ZNF185: variants seen among roughly 807,000 people sequenced by gnomAD.
ZNF185 encodes zinc finger protein 185.
Under a neutral mutation model 58.6 loss-of-function variants are expected in ZNF185, and 56 were observed. That is an observed-to-expected ratio of 0.95 (90% CI 0.77 to 1.19). ZNF185 has a LOEUF of 1.19. ZNF185 is among the 50% of genes most tolerant of loss of function. The pLI, the probability that ZNF185 is intolerant of heterozygous loss-of-function variation, is 0.00. For synonymous variants in ZNF185, 230 were observed against 215.9 expected (o/e 1.07, Z -0.57); for missense variants, 627 against 573.5 (o/e 1.09, Z -0.95).
At chrX:152,918,316 C>A in intron 6 of ZNF185, 162 bp downstream of exon 7, 1 of 590,205 alleles carries the variant, frequency 1.7e-6, no homozygotes. Flanking sequence ...TGGAGCCCAC[C>A]AGAGGGTAAC....
chrX:152,943,142 C>A (rs1468382120), intron 15 of ZNF185, among the ~76,000 whole-genome samples: 1 of 111,050 alleles, frequency 9.0e-6, no homozygotes, highest in African/African-American at 3.3e-5. Context: ...GTAGCTGGGA[C>A]TACAGGCACA....
intron 14 of ZNF185, among the ~76,000 whole-genome samples, chrX:152,934,812 C>G (rs1434270994): frequency 9.0e-6 from 1 of 111,040 alleles, no homozygotes; most frequent in African/African-American, 3.3e-5. Flanking sequence ...CATCTCATCT[C>G]ATCCTCTCCT....
At chrX:152,904,142 C>G in the ZNF185 span, among the ~76,000 whole-genome samples, 1 of 112,173 alleles carries the variant, frequency 8.9e-6, no homozygotes, top group Non-Finnish European at 1.9e-5. Context: ...ACCCTGTTGG[C>G]CTCCAGGCGA....
chrX:152,931,332 T>C (rs782520071), intron 12 of ZNF185, among the ~76,000 whole-genome samples: 57 of 112,702 alleles, frequency 5.1e-4, no homozygotes, highest in African/African-American at 1.8e-3. Context: ...TCAAGTGCAG[T>C]GGTGCCATCA....
chrX:152,954,094 CT>C (rs1205593011), intron 16 of ZNF185, among the ~76,000 whole-genome samples: 1 of 109,365 alleles, frequency 9.1e-6, no homozygotes, highest in Non-Finnish European at 1.9e-5. Context: ...AACCTCAGGA[CT>C]TGCAAACATC....
intron 16 of ZNF185, among the ~76,000 whole-genome samples, chrX:152,954,901 C>T (rs2048666991): frequency 9.0e-6 from 1 of 110,999 alleles, no homozygotes; most frequent in Non-Finnish European, 1.9e-5. Flanking sequence ...CCCCCAGAAT[C>T]ACAGCAGATT....
chrX:152,918,274 C>T, intron 6 of ZNF185, 120 bp downstream of exon 7: 5 of 800,783 alleles, frequency 6.2e-6, no homozygotes, highest in Non-Finnish European at 9.2e-6. Flanking sequence ...GTCCCGCCTG[C>T]CTGACACTCC....
exon 16 of ZNF185, chrX:152,945,344 G>T: frequency 8.3e-7 from 1 of 1,207,467 alleles, no homozygotes; most frequent in Non-Finnish European, 1.1e-6. Flanking sequence ...GGAGCTCCAA[G>T]AGGTGGCCAA....
At chrX:152,926,452 CA>C (rs1940877568) in intron 11 of ZNF185, among the ~76,000 whole-genome samples, 1 of 112,346 alleles carries the variant, frequency 8.9e-6, no homozygotes, top group Admixed American at 9.4e-5. Context: ...GAAATGTGGC[CA>C]AAGGCAGTGA....
intron 14 of ZNF185, among the ~76,000 whole-genome samples, chrX:152,935,800 G>A (rs2046214364): frequency 8.9e-6 from 1 of 112,046 alleles, no homozygotes; most frequent in African/African-American, 3.3e-5. Context: ...CTTAGTGAGT[G>A]TGCTGGTTAG....
At chrX:152,927,699 C>T (rs1195643990) in intron 11 of ZNF185, among the ~76,000 whole-genome samples, 1 of 112,440 alleles carries the variant, frequency 8.9e-6, no homozygotes, top group African/African-American at 3.2e-5. Context: ...TAAACCTGTT[C>T]TGGGCCCTGC....
At position 152,968,538 on chromosome X, in the gene ZNF185, G is replaced by A. The variant is rs187001442; in HGVS notation, c.1872-844G>A. ...AAAGAAGCAGGAGGAGCAGGGCTGC[G>A]CTGAGGGCAAGGATTTCAAGCAGCA... On this transcript the variant is annotated intron_variant, in intron 20 of 22. Transcript: ENST00000449285. Among the ~76,000 whole-genome samples the A allele has an allele frequency of 1.2e-4, 14 of 112,807 alleles. No individual in the cohort carries two copies. In the East Asian group the frequency reaches 3.4e-3, roughly 27 times the overall value.
At chrX:152,918,942 G>A (rs1556867875) in intron 6 of ZNF185, 41 bp from the exon 8 acceptor site, 2 of 1,064,969 alleles carry the variant, frequency 1.9e-6, no homozygotes, top group Admixed American at 4.6e-5. Flanking sequence ...GCTGCTGAGG[G>A]TGGCAGCCTA....
intron 16 of ZNF185, 75 bp from the exon 19 acceptor site, chrX:152,959,624 G>A: frequency 9.2e-7 from 1 of 1,082,808 alleles, no homozygotes; most frequent in Non-Finnish European, 1.2e-6. Context: ...AGACATGACA[G>A]CCAGCCTACC....
the ZNF185 span, among the ~76,000 whole-genome samples, chrX:152,904,097 C>CT: frequency 0.013 from 1,399 of 111,738 alleles, 13 homozygotes; most frequent in African/African-American, 0.027. Flanking sequence ...TTTTTCAGCT[C>CT]TTTTTTTTTC....
intron 16 of ZNF185, among the ~76,000 whole-genome samples, chrX:152,953,248 A>T (rs1297256207): frequency 8.9e-6 from 1 of 112,036 alleles, no homozygotes; most frequent in African/African-American, 3.2e-5. Flanking sequence ...AGTCCTGCTC[A>T]ACAGAGTCAG....
intron 15 of ZNF185, among the ~76,000 whole-genome samples, chrX:152,943,388 C>T (rs2047452118): frequency 8.9e-6 from 1 of 112,120 alleles, no homozygotes; most frequent in African/African-American, 3.2e-5. Flanking sequence ...GATCTTTGGT[C>T]CAATTACACT....
At chrX:152,969,427 C>G in exon 21 of ZNF185, 1 of 1,209,140 alleles carries the variant, frequency 8.3e-7, no homozygotes, top group Non-Finnish European at 1.1e-6. Flanking sequence ...AGATCCGAGA[C>G]TGTCCAAAGA....
At position 152,958,459 on chromosome X, in the gene ZNF185, T is replaced by TA. The variant is rs1175067918; in HGVS notation, c.1410-1231dup. Among the ~76,000 whole-genome samples the TA allele has an allele frequency of 5.9e-4, 64 of 108,359 alleles. No homozygotes were observed. In the Middle Eastern group the frequency reaches 0.019, roughly 33 times the overall value. The allele number at this position is 108,359 out of a possible 115,157, so 94.1% of individuals were successfully genotyped here. A position where few individuals can be genotyped will look rare whatever the true frequency, so the allele number is the denominator to read the frequency against. On this transcript the variant is annotated intron_variant, in intron 16 of 22. Transcript: ENST00000449285. ...ACCCTTATGTCAACTTTTTCATCTG[T>TA]AAAAAAAAAGGGATGGCCAGGCACG...
Sources: allele counts gnomAD v4.1 joint callset (sites outside exome capture counted in the v4.1 genomes callset), GRCh38; gene constraint gnomAD v4.1.1; transcripts MANE v1.5; gene names NCBI Gene and HGNC (gene_info 2026-07-23, HGNC 2026-07-21).